ORC1: variants seen among roughly 807,000 people sequenced by gnomAD.
ORC1 encodes the protein origin recognition complex, subunit 1 homolog.
Under a neutral mutation model 98.9 loss-of-function variants are expected in ORC1, and 61 were observed. That is an observed-to-expected ratio of 0.62 (90% confidence interval 0.50 to 0.76). The LOEUF is 0.76. Ranked by LOEUF, ORC1 falls within the 30% of genes least tolerant of loss-of-function variation. The pLI is 0.00. For synonymous variants in ORC1, 385 were observed against 406.9 expected, an observed-to-expected ratio of 0.95 and a Z score of 0.65; for missense variants, 979 against 1,072.2, an observed-to-expected ratio of 0.91 and a Z score of 1.21.
chr1:52,377,464 G>A (rs572237637), intron 14 of ORC1, among the ~76,000 whole-genome samples: 3 of 151,962 alleles, frequency 2.0e-5, no homozygotes, highest in Admixed American at 2.0e-4. Context: ...TTGTAGAGAC[G>A]GGGTTTTAAT....
At position 52,375,601 on chromosome 1, in the gene ORC1, TA is replaced by T; in HGVS notation, c.2134-3del. On this transcript the variant is annotated splice_polypyrimidine_tract_variant and splice_region_variant and intron_variant, in intron 14 of 16. Coordinates refer to ENST00000371568, the MANE Select transcript of ORC1 (RefSeq NM_004153.4). ...TGCATCTCCAGACAGTGCTGCTACC[TA>T]CAAGAGGGAATATTTTATTCCTGAG... The T allele has an allele frequency of 6.2e-7, 1 of 1,613,532 alleles. No homozygotes were observed. The highest frequency in any genetic ancestry group is 8.5e-7 in the Non-Finnish European group (1 of 1,179,908).
At chr1:52,381,514 T>C in intron 14 of ORC1, 128 bp downstream of exon 14, 1 of 992,140 alleles carries the variant, frequency 1.0e-6, no homozygotes, top group Non-Finnish European at 1.5e-6. Context: ...TAATCTTGTC[T>C]TTTTTGATAT....
intron 15 of ORC1, among the ~76,000 whole-genome samples, chr1:52,375,190 T>C (rs912388617): frequency 2.0e-5 from 3 of 152,090 alleles, no homozygotes; most frequent in Admixed American, 6.5e-5. Flanking sequence ...GAGAAGCAGC[T>C]GCTTCCTTTT....
upstream of ORC1, among the ~76,000 whole-genome samples, chr1:52,407,256 A>G (rs1025904567): frequency 1.3e-5 from 2 of 152,088 alleles, no homozygotes; most frequent in African/African-American, 4.8e-5. Context: ...TGACCCGGTG[A>G]CCCACCTGCC....
At chr1:52,409,290 CT>C (rs1333840296), upstream of ORC1, among the ~76,000 whole-genome samples, 1 of 152,158 alleles carries the variant, frequency 6.6e-6, no homozygotes, top group African/African-American at 2.4e-5. Flanking sequence ...ACCTTTCCCC[CT>C]ACATGTATCA....
intron 14 of ORC1, among the ~76,000 whole-genome samples, chr1:52,381,178 C>G (rs533360872): frequency 6.6e-6 from 1 of 152,224 alleles, no homozygotes; most frequent in Non-Finnish European, 1.5e-5. Flanking sequence ...TACCTCATAT[C>G]TAGCCTGGAG....
chr1:52,387,324 T>C (rs1364618732), intron 8 of ORC1, among the ~76,000 whole-genome samples: 1 of 152,182 alleles, frequency 6.6e-6, no homozygotes, highest in African/African-American at 2.4e-5. Context: ...TGCCTGGTGA[T>C]CTAGGGTAGA....
intron 14 of ORC1, among the ~76,000 whole-genome samples, chr1:52,378,556 C>T (rs1466869784): frequency 2.0e-5 from 3 of 151,320 alleles, no homozygotes; most frequent in Admixed American, 2.0e-4. Flanking sequence ...CCCAGCTACT[C>T]AGGAGGCTGA....
intron 6 of ORC1, among the ~76,000 whole-genome samples, chr1:52,390,744 TA>T (rs1647197666): frequency 6.6e-6 from 1 of 150,594 alleles, no homozygotes; most frequent in Non-Finnish European, 1.5e-5. Flanking sequence ...TACAAAAAAT[TA>T]GCTGGGTATG....
chr1:52,385,224 C>T lies in ORC1; in HGVS notation c.1520G>A (p.Arg507Gln), dbSNP rs760090834. Residue 507 changes from arginine (R) to glutamine (Q), a missense_variant, in exon 10 of 17, where the codon CGG (arginine) becomes CAG (glutamine). By Grantham distance (43) the Arg-to-Gln change is conservative. Transcript: ENST00000371568. ...VSAVPESLPC[R>Q]EQEFQDIYNF... is the part of the protein sequence containing the mutation. ...GTAGATGTCTTGGAATTCCTGTTCC[C>T]GACAGGGAAGAGACTCAGGTACAGC... 3.1e-6 allele frequency: 5 copies of T among 1,613,842 alleles called. No homozygotes were observed. The highest frequency in any genetic ancestry group is 4.2e-6 in the Non-Finnish European group (5 of 1,179,788).
intron 14 of ORC1, among the ~76,000 whole-genome samples, chr1:52,378,285 C>T (rs1266642923): frequency 6.6e-6 from 1 of 150,660 alleles, no homozygotes; most frequent in East Asian, 1.9e-4. Context: ...GCAGAGGTTG[C>T]AGTGAGCTGA....
upstream of ORC1, chr1:52,405,672 T>G (rs747058072): frequency 1.3e-5 from 21 of 1,612,322 alleles, no homozygotes; most frequent in Non-Finnish European, 1.7e-5. Flanking sequence ...ATTGTTTTTG[T>G]TTTTTAGCTG....
intron 8 of ORC1, among the ~76,000 whole-genome samples, chr1:52,388,056 C>T (rs1221882160): frequency 1.3e-5 from 2 of 152,118 alleles, no homozygotes; most frequent in East Asian, 1.9e-4. Context: ...GTAGCACTCC[C>T]GGTTTCTCAG....
chr1:52,375,365 A>C, intron 15 of ORC1, 65 bp downstream of exon 15: 1 of 1,473,176 alleles, frequency 6.8e-7, no homozygotes, highest in South Asian at 1.1e-5. Flanking sequence ...GAATGAGTAA[A>C]AGCTTAGAAA....
chr1:52,404,193 T>G, intron 1 of ORC1, 53 bp downstream of exon 1: 1 of 158,252 alleles, frequency 6.3e-6, no homozygotes, highest in South Asian at 1.7e-4. Context: ...GTTTCAGAGG[T>G]TCCGATGCGC....
intron 5 of ORC1, among the ~76,000 whole-genome samples, chr1:52,394,831 G>A (rs1647322600): frequency 6.6e-6 from 1 of 152,022 alleles, no homozygotes; most frequent in African/African-American, 2.4e-5. Flanking sequence ...TGCATTTTTA[G>A]TAGAGACGGG....
intron 6 of ORC1, 23 bp from the exon 7 acceptor site, chr1:52,389,344 C>G (rs777253170): frequency 6.3e-7 from 1 of 1,586,650 alleles, no homozygotes; most frequent in Non-Finnish European, 8.7e-7. Context: ...ACAGCGAGGT[C>G]ACGGGAAGCA....
Position 52,397,087 on chromosome 1 carries a change from A to C in ORC1, c.402+598T>G, listed in dbSNP as rs141135080. Among the ~76,000 whole-genome samples the C allele has an allele frequency of 2.6e-4, 40 of 152,242 alleles. No individual in the cohort carries two copies. In the East Asian group the frequency reaches 4.6e-3, roughly 18 times the overall value. On this transcript the variant is annotated intron_variant, in intron 4 of 16. Transcript: ENST00000371568. Reference sequence around the variant, plus strand: ...TTCTCTCCTTCACTCATTTAACTCAAAGATAAATTAAGATAATCATGCCAG... The same window carrying C: ...TTCTCTCCTTCACTCATTTAACTCACAGATAAATTAAGATAATCATGCCAG...
In ORC1 at chr1:52,373,264, C is replaced by G. The variant is rs559707307; in HGVS notation, c.2503G>C (p.Glu835Gln). 1 of 1,614,204 alleles carries G rather than the reference C, an allele frequency of 6.2e-7. No homozygotes were observed. Among genetic ancestry groups the G allele is most frequent in the African/African-American group, 1.3e-5 (1 of 75,064 alleles). The change falls in exon 17 of 17, where the codon GAG becomes CAG. Residue 835 changes from glutamate to glutamine, a missense_variant. Transcript: ENST00000371568. ...AGGAGCAGATCGTTCCTGCTGGGCTCCACAAGCAGGAGGCGACAGGAGCCC... is the reference window on the plus strand; with the variant it reads ...AGGAGCAGATCGTTCCTGCTGGGCTGCACAAGCAGGAGGCGACAGGAGCCC... Reference protein sequence around the residue: ...HLGSCRLLLVEPSRNDLLLRV... With the variant: ...HLGSCRLLLVQPSRNDLLLRV...
Sources: gnomAD v4.1 joint callset for allele counts (sites outside exome capture counted in the v4.1 genomes callset) on GRCh38, gnomAD v4.1.1 for gene constraint, MANE v1.5 for transcripts, NCBI Gene and HGNC (gene_info 2026-07-23, HGNC 2026-07-21) for gene names.